The following DNAJC3 variants were observed in gnomAD, a reference collection of about 807,000 sequenced individuals.
DNAJC3 encodes dnaJ homolog subfamily C member 3.
Under a neutral mutation model 68.6 loss-of-function variants are expected in DNAJC3, and 38 were observed. The observed-to-expected ratio is 0.55, with a 90% CI of 0.43 to 0.73. The LOEUF is 0.73. DNAJC3 is among the 30% of genes least tolerant of loss of function. DNAJC3 has a pLI of 0.00. For missense variants in DNAJC3, 526 were observed against 591.9 expected (o/e 0.89, Z 1.16); for synonymous variants, 203 against 204.0 (o/e 1.00, Z 0.04).
intron 2 of DNAJC3, among the ~76,000 whole-genome samples, chr13:95,712,819 T>G (rs1029171829): frequency 6.6e-5 from 10 of 152,346 alleles, no homozygotes; most frequent in African/African-American, 1.9e-4. Context: ...TTTGCTTATT[T>G]TGTCATGGAA....
At position 95,760,664 on chromosome 13, in the gene DNAJC3, T is replaced by TA. The variant is rs756046719; in HGVS notation, c.729-12dup. On this transcript the variant is annotated splice_polypyrimidine_tract_variant and intron_variant, in intron 6 of 11. Coordinates refer to ENST00000602402, the MANE Select transcript of DNAJC3 (RefSeq NM_006260.5). The stretch of plus-strand genomic sequence containing the variant: ...TTTGACATGGAGTATTTTCCTTTTT[T>TA]AAATACATGAACAGTGAAGTTCGGG... 5.0e-6 allele frequency: 8 copies of TA among 1,591,490 alleles called. No individual in the cohort carries two copies. Among genetic ancestry groups the TA allele is most frequent in the Non-Finnish European group, 6.8e-6 (8 of 1,171,768 alleles).
intron 2 of DNAJC3, among the ~76,000 whole-genome samples, chr13:95,713,492 T>C (rs1881041000): frequency 6.6e-6 from 1 of 152,182 alleles, no homozygotes; most frequent in African/African-American, 2.4e-5. Flanking sequence ...TAAGAAAGAC[T>C]TAAATGAAGA....
chr13:95,778,661 AATG>A (rs1363330730), intron 9 of DNAJC3, among the ~76,000 whole-genome samples: 1 of 152,210 alleles, frequency 6.6e-6, no homozygotes, highest in Non-Finnish European at 1.5e-5. Context: ...GAGAAAATAG[AATG>A]ATGTTTGTAC....
intron 4 of DNAJC3, among the ~76,000 whole-genome samples, chr13:95,737,373 T>C (rs565014826): frequency 2.6e-5 from 4 of 152,212 alleles, no homozygotes; most frequent in African/African-American, 9.6e-5. Context: ...TTTCTATTGA[T>C]TGGAATAGTT....
chr13:95,709,201 CTGAT>C lies in DNAJC3; in HGVS notation c.83-23_83-20del, dbSNP rs765407708. ...TAAATCTTAGTTCGTGGAAAGTTAA[CTGAT>C]TGTTTTTAATTTTATTTTTAGGTGC... is the stretch of plus-strand genomic sequence containing the variant. On this transcript the variant is annotated intron_variant, in intron 1 of 11. Transcript: ENST00000602402. The C allele has an allele frequency of 4.8e-6, 7 of 1,459,912 alleles. No homozygotes were observed. The East Asian group carries it at 1.0e-4, about 21-fold the overall frequency. The allele number at this position is 1,459,912 out of a possible 1,614,324, so 90.4% of individuals were successfully genotyped here.
intron 2 of DNAJC3, among the ~76,000 whole-genome samples, chr13:95,717,891 C>T (rs1473935388): frequency 1.3e-5 from 2 of 152,172 alleles, no homozygotes; most frequent in Non-Finnish European, 2.9e-5. Flanking sequence ...AACGGACTAA[C>T]GCACCAGTCC....
chr13:95,747,850 A>C (rs919406855), intron 4 of DNAJC3, among the ~76,000 whole-genome samples: 3 of 152,210 alleles, frequency 2.0e-5, no homozygotes, highest in African/African-American at 7.2e-5. Flanking sequence ...AAAAGGAATT[A>C]TGATATCCAG....
intron 4 of DNAJC3, among the ~76,000 whole-genome samples, chr13:95,732,040 G>T (rs1593987267): frequency 6.6e-6 from 1 of 151,414 alleles, no homozygotes; most frequent in Non-Finnish European, 1.5e-5. Context: ...GCACCCAGCC[G>T]GTGTCTTACC....
At chr13:95,738,281 GA>G (rs1204781283) in intron 4 of DNAJC3, among the ~76,000 whole-genome samples, 4 of 150,508 alleles carry the variant, frequency 2.7e-5, no homozygotes, top group African/African-American at 9.8e-5. Context: ...GTGTGGTGCT[GA>G]AAAAAATGTA....
chr13:95,775,819 T>C (rs1237025415), intron 9 of DNAJC3, among the ~76,000 whole-genome samples: 1 of 152,138 alleles, frequency 6.6e-6, no homozygotes, highest in Non-Finnish European at 1.5e-5. Flanking sequence ...GGCCACACTT[T>C]TAGTATGCTT....
intron 4 of DNAJC3, chr13:95,745,719 G>A (rs1013556756): frequency 2.6e-5 from 4 of 152,134 alleles, no homozygotes; most frequent in African/African-American, 9.7e-5. Context: ...TCATATGCTG[G>A]ATTTGCAAAT....
intron 7 of DNAJC3, among the ~76,000 whole-genome samples, chr13:95,761,147 G>A (rs1171558318): frequency 6.6e-6 from 1 of 152,106 alleles, no homozygotes; most frequent in Non-Finnish European, 1.5e-5. Context: ...TATATGAATT[G>A]ATTATTAAAA....
chr13:95,688,927 G>GGGGTGT (rs1555321769), intron 1 of DNAJC3, among the ~76,000 whole-genome samples: 98 of 129,752 alleles, frequency 7.6e-4, no homozygotes, highest in South Asian at 2.7e-3. Context: ...TGATTGTGTG[G>GGGGTGT]GTGTGTGTGT....
At chr13:95,748,758 G>A (rs1008577814) in intron 4 of DNAJC3, among the ~76,000 whole-genome samples, 3 of 152,198 alleles carry the variant, frequency 2.0e-5, no homozygotes, top group African/African-American at 7.2e-5. Context: ...AAAGGTTGCA[G>A]TGAGCTGAGA....
At chr13:95,682,485 A>C (rs1437121279) in intron 1 of DNAJC3, among the ~76,000 whole-genome samples, 1 of 152,142 alleles carries the variant, frequency 6.6e-6, no homozygotes, top group Non-Finnish European at 1.5e-5. Context: ...TTTAAGTTTA[A>C]AAAAATCCTT....
At chr13:95,783,906 C>G (rs937922069) in intron 9 of DNAJC3, among the ~76,000 whole-genome samples, 1 of 152,142 alleles carries the variant, frequency 6.6e-6, no homozygotes, top group African/African-American at 2.4e-5. Context: ...AGTGTGCTTC[C>G]CACCTTGCAG....
chr13:95,776,943 C>T (rs1403649015), intron 9 of DNAJC3, among the ~76,000 whole-genome samples: 1 of 152,208 alleles, frequency 6.6e-6, no homozygotes, highest in Admixed American at 6.5e-5. Context: ...TCAGGGCACA[C>T]GCTCTGCTCT....
At chr13:95,780,746 G>C (rs1477620291) in intron 9 of DNAJC3, among the ~76,000 whole-genome samples, 1 of 152,190 alleles carries the variant, frequency 6.6e-6, no homozygotes. Context: ...TCTTTCAAAG[G>C]ATTTCTTTGC....
At chr13:95,767,949 C>G (rs112653482) in intron 9 of DNAJC3, among the ~76,000 whole-genome samples, 2 of 151,996 alleles carry the variant, frequency 1.3e-5, no homozygotes, top group African/African-American at 4.8e-5. Context: ...ATGCGATCCA[C>G]CCGCCTCAGC....
Sources: allele counts gnomAD v4.1 joint callset (sites outside exome capture counted in the v4.1 genomes callset), GRCh38; gene constraint gnomAD v4.1.1; transcripts MANE v1.5; gene names NCBI Gene and HGNC (gene_info 2026-07-23, HGNC 2026-07-21).